Variants in KAZN observed in about 807,000 individuals in gnomAD.
KAZN encodes the protein kazrin, periplakin interacting protein, also known as kazrin.
KAZN carries 40 observed loss-of-function variants against 87.4 expected under a neutral mutation model. That is an observed-to-expected ratio of 0.46 (90% CI 0.36 to 0.60). The LOEUF is 0.60. Among genes scored for constraint, KAZN ranks in the 20% least tolerant of loss-of-function variants. The pLI, the probability that KAZN is intolerant of heterozygous loss-of-function variation, is 0.00. For synonymous variants in KAZN, 466 were observed against 458.3 expected (o/e 1.02, Z -0.22); for missense variants, 898 against 1,073.9 (o/e 0.84, Z 2.29).
intron 1 of KAZN, among the ~76,000 whole-genome samples, chr1:14,909,046 C>T (rs1375757460): frequency 2.0e-5 from 3 of 152,118 alleles, no homozygotes; most frequent in African/African-American, 7.2e-5. Flanking sequence ...CATCATCTCA[C>T]ATCATCTCAA....
chr1:15,080,430 C>G (rs1249179051), intron 8 of KAZN, among the ~76,000 whole-genome samples: 1 of 152,076 alleles, frequency 6.6e-6, no homozygotes, highest in Admixed American at 6.5e-5. Context: ...TGCCACCTCG[C>G]TGCCCACCAA....
intron 1 of KAZN, among the ~76,000 whole-genome samples, chr1:14,905,090 G>A (rs184214341): frequency 1.7e-3 from 265 of 152,140 alleles, no homozygotes; most frequent in African/African-American, 6.2e-3. Flanking sequence ...ACAGAGTCTC[G>A]CTCCTTCGCC....
At chr1:14,705,532 G>A (rs1184591883) in intron 1 of KAZN, among the ~76,000 whole-genome samples, 1 of 152,104 alleles carries the variant, frequency 6.6e-6, no homozygotes, top group Admixed American at 6.5e-5. Context: ...ATCAACCTAG[G>A]TGTTCAACAG....
At chr1:14,611,010 G>A (rs751199770) in intron 1 of KAZN, among the ~76,000 whole-genome samples, 5 of 152,198 alleles carry the variant, frequency 3.3e-5, no homozygotes, top group Non-Finnish European at 7.3e-5. Context: ...AAGTGGTCCA[G>A]CTTCATGCCC....
intron 1 of KAZN, among the ~76,000 whole-genome samples, chr1:14,609,121 T>C (rs1239759016): frequency 6.6e-6 from 1 of 152,236 alleles, no homozygotes; most frequent in Admixed American, 6.5e-5. Flanking sequence ...TTGATTATCT[T>C]AATTAATGTG....
chr1:14,202,557 C>T (rs751829143), intron 2 of KAZN, among the ~76,000 whole-genome samples: 1 of 152,148 alleles, frequency 6.6e-6, no homozygotes, highest in Non-Finnish European at 1.5e-5. Flanking sequence ...GAACTACTCA[C>T]TTGCTAGGTG....
At chr1:14,428,546 G>A (rs1341367109) in intron 2 of KAZN, among the ~76,000 whole-genome samples, 1 of 152,118 alleles carries the variant, frequency 6.6e-6, no homozygotes, top group Admixed American at 6.6e-5. Flanking sequence ...TAAATTATAT[G>A]TATTAGTCCA....
chr1:14,447,486 G>A lies in KAZN; in HGVS notation c.250-151497G>A, dbSNP rs532974208. 2.3e-3 allele frequency among the ~76,000 whole-genome samples: 349 copies of A among 152,058 alleles called. 1 individual carries two copies. The highest frequency in any genetic ancestry group is 7.9e-3 in the African/African-American group (326 of 41,464). ...GATCTTTTCACTCGGTGATCCACCCGCCTTGGCCTCCCAAAGTGCTGGGAT... is the reference window on the plus strand; with the variant it reads ...GATCTTTTCACTCGGTGATCCACCCACCTTGGCCTCCCAAAGTGCTGGGAT... On this transcript the variant is annotated intron_variant, in intron 2 of 16. Coordinates refer to the KAZN transcript ENST00000636203.
At chr1:15,026,374 G>C (rs895119704) in intron 2 of KAZN, among the ~76,000 whole-genome samples, 2 of 152,222 alleles carry the variant, frequency 1.3e-5, no homozygotes, top group Admixed American at 1.3e-4. Flanking sequence ...CAGAGAAGTT[G>C]CATGTGGGGT....
At chr1:14,761,234 C>G (rs1212101366) in intron 1 of KAZN, among the ~76,000 whole-genome samples, 1 of 152,106 alleles carries the variant, frequency 6.6e-6, no homozygotes, top group African/African-American at 2.4e-5. Context: ...TTCCTGGAGC[C>G]CCCTGCCTTG....
intron 2 of KAZN, among the ~76,000 whole-genome samples, chr1:14,234,104 G>A (rs1648140302): frequency 6.6e-6 from 1 of 152,192 alleles, no homozygotes; most frequent in Non-Finnish European, 1.5e-5. Context: ...GCACACGTAT[G>A]TTTATTGCAG....
At chr1:14,758,705 G>A (rs1439244218) in intron 1 of KAZN, among the ~76,000 whole-genome samples, 1 of 152,180 alleles carries the variant, frequency 6.6e-6, no homozygotes, top group Admixed American at 6.5e-5. Flanking sequence ...GGTGTTGAAT[G>A]TGCTTTTTGA....
At chr1:14,960,614 C>G in intron 1 of KAZN, 70 bp from the exon 2 acceptor site, 3 of 1,504,912 alleles carry the variant, frequency 2.0e-6, no homozygotes, top group Non-Finnish European at 1.8e-6. Flanking sequence ...CCACCTCAAA[C>G]CATCCCCAGA....
intron 1 of KAZN, among the ~76,000 whole-genome samples, chr1:14,909,417 C>T (rs145682233): frequency 6.8e-4 from 104 of 152,280 alleles, no homozygotes; most frequent in South Asian, 3.3e-3. Flanking sequence ...TCTCCGCCTC[C>T]GACATCAGGC....
At chr1:13,933,284 G>C (rs1030314396) in intron 1 of KAZN, among the ~76,000 whole-genome samples, 5 of 152,014 alleles carry the variant, frequency 3.3e-5, no homozygotes, top group Non-Finnish European at 7.4e-5. Flanking sequence ...CATGAGGTCA[G>C]GAGTTCGAGA....
chr1:14,494,531 T>C (rs867842529), intron 2 of KAZN, among the ~76,000 whole-genome samples: 31 of 152,108 alleles, frequency 2.0e-4, no homozygotes, highest in African/African-American at 7.2e-4. Flanking sequence ...GTCATGCCAA[T>C]CCCCCTTCAG....
chr1:14,251,343 G>T (rs78414292), intron 2 of KAZN, among the ~76,000 whole-genome samples: 2 of 152,094 alleles, frequency 1.3e-5, no homozygotes, highest in Admixed American at 6.6e-5. Flanking sequence ...TCCCCTCCCC[G>T]GCATAGCCTT....
At chr1:14,993,167 TAAAA>T (rs57404016) in intron 2 of KAZN, among the ~76,000 whole-genome samples, 1 of 133,188 alleles carries the variant, frequency 7.5e-6, no homozygotes, top group Non-Finnish European at 1.6e-5. Flanking sequence ...CATAAGCAAT[TAAAA>T]AAAAAAAAAA....
chr1:14,278,141 G>T (rs1386509502), intron 2 of KAZN, among the ~76,000 whole-genome samples: 1 of 133,986 alleles, frequency 7.5e-6, no homozygotes, highest in South Asian at 2.3e-4. Flanking sequence ...CTGCACTCCA[G>T]CCTGGGCAAC....
Sources: gnomAD v4.1 joint callset for allele counts (sites outside exome capture counted in the v4.1 genomes callset) on GRCh38, gnomAD v4.1.1 for gene constraint, MANE v1.5 for transcripts, NCBI Gene and HGNC (gene_info 2026-07-23, HGNC 2026-07-21) for gene names.